The following BCAS3 variants were observed in gnomAD, a reference collection of about 807,000 sequenced individuals.
BCAS3 encodes the protein BCAS4/BCAS3 fusion.
BCAS3 carries 53 observed loss-of-function variants against 116.1 expected under a neutral mutation model. That is an observed-to-expected ratio of 0.46 (90% CI 0.37 to 0.57). BCAS3 has a LOEUF of 0.57. BCAS3 is among the 20% of genes least tolerant of loss of function. The pLI is 0.00. For missense variants in BCAS3, 917 were observed against 1,165.4 expected (o/e 0.79, Z 3.10); for synonymous variants, 391 against 408.2 (o/e 0.96, Z 0.51).
At chr17:61,100,381 A>T (rs955387614) in intron 22 of BCAS3, among the ~76,000 whole-genome samples, 1 of 152,206 alleles carries the variant, frequency 6.6e-6, no homozygotes, top group African/African-American at 2.4e-5. Context: ...AGAGGGACCC[A>T]GTTCCTGAAT....
In BCAS3 at chr17:61,124,826, G is replaced by A. The variant is rs896686167; in HGVS notation, c.2425+40262G>A. On this transcript the variant is annotated intron_variant, in intron 22 of 23. Transcript: ENST00000407086. The surrounding 1 kb of genome is among the most constrained non-coding windows in gnomAD (Gnocchi z 4.6). ...ATTTTCTGTGTTAGAAGATGCTATCGGCTCACCTGGCCTCTTAGTGACAGA... is the reference window on the plus strand; with the variant it reads ...ATTTTCTGTGTTAGAAGATGCTATCAGCTCACCTGGCCTCTTAGTGACAGA... Among the ~76,000 whole-genome samples the A allele has an allele frequency of 4.6e-5, 7 of 152,106 alleles. No individual in the cohort carries two copies. Among genetic ancestry groups the A allele is most frequent in the Admixed American group, 6.5e-5 (1 of 15,270 alleles).
At chr17:61,305,830 A>T (rs1344587820) in intron 22 of BCAS3, among the ~76,000 whole-genome samples, 1 of 152,172 alleles carries the variant, frequency 6.6e-6, no homozygotes, top group Non-Finnish European at 1.5e-5. Context: ...TGGTAGGTGG[A>T]GGATGCAGTG....
chr17:60,703,916 C>CAAAAA (rs539490885), intron 4 of BCAS3, among the ~76,000 whole-genome samples: 1 of 71,472 alleles, frequency 1.4e-5, no homozygotes, highest in African/African-American at 6.4e-5. Flanking sequence ...GACACCGTCT[C>CAAAAA]AAAAAAAAAA....
rs1396960109 is a variant in BCAS3 at position 60,919,085 on chromosome 17, T to C, written c.994-5322T>C. 2.6e-5 allele frequency among the ~76,000 whole-genome samples: 4 copies of C among 152,350 alleles called. No individual in the cohort carries two copies. The East Asian group carries it at 5.8e-4, about 22-fold the overall frequency. On this transcript the variant is annotated intron_variant, in intron 12 of 23. Transcript: ENST00000407086. ...GAGATCTATCTCTTTGGTGAATTTC[T>C]TTTTCATATCCTGAATTGTTTTTCT...
At chr17:60,713,907 C>T (rs1311506418) in intron 5 of BCAS3, among the ~76,000 whole-genome samples, 1 of 152,144 alleles carries the variant, frequency 6.6e-6, no homozygotes, top group Non-Finnish European at 1.5e-5. Flanking sequence ...GATCTCGGCT[C>T]ACTGCAACCT....
At chr17:60,890,528 G>A (rs1381467912) in intron 10 of BCAS3, among the ~76,000 whole-genome samples, 1 of 151,888 alleles carries the variant, frequency 6.6e-6, no homozygotes, top group East Asian at 1.9e-4. Context: ...TAAGGGTTCA[G>A]CCATTTGTTT....
chr17:61,099,227 G>A (rs2074168189), intron 22 of BCAS3, among the ~76,000 whole-genome samples: 1 of 152,156 alleles, frequency 6.6e-6, no homozygotes, highest in Non-Finnish European at 1.5e-5. Context: ...ATAAAGGACT[G>A]TTTGAGAACA....
chr17:60,802,371 C>CATAT lies in BCAS3; in HGVS notation c.404-5618_404-5615dup, dbSNP rs533515914. Among the ~76,000 whole-genome samples, 1,016 of 111,932 alleles carry CATAT rather than the reference C, an allele frequency of 9.1e-3. 8 individuals are homozygous for CATAT. The highest frequency in any genetic ancestry group is 0.037 in the Middle Eastern group (8 of 214). 73.4% of individuals were successfully genotyped at this position (111,932 alleles called of 152,430 possible). ...ATACACACACATACATACATACATA[C>CATAT]ATATATATATATATATATCCCCTTG... is the stretch of plus-strand genomic sequence containing the variant. On this transcript the variant is annotated intron_variant, in intron 6 of 23. Transcript: ENST00000407086.
intron 22 of BCAS3, among the ~76,000 whole-genome samples, chr17:61,109,590 G>A (rs1277717429): frequency 1.3e-5 from 2 of 152,140 alleles, no homozygotes; most frequent in South Asian, 2.1e-4. Context: ...CCTTTTCACT[G>A]CATCCATGCC....
chr17:61,036,595 T>G (rs576125439), intron 17 of BCAS3, among the ~76,000 whole-genome samples: 1 of 152,304 alleles, frequency 6.6e-6, no homozygotes, highest in South Asian at 2.1e-4. Context: ...CTCTGGCTGA[T>G]CATTAGCTAT....
intron 22 of BCAS3, among the ~76,000 whole-genome samples, chr17:61,350,477 G>A (rs2057770158): frequency 6.6e-6 from 1 of 150,994 alleles, no homozygotes; most frequent in African/African-American, 2.4e-5. Context: ...TGTATTTAAG[G>A]TATGCCCAAA....
chr17:61,095,832 T>C lies in BCAS3; in HGVS notation c.2425+11268T>C, dbSNP rs949273766. Among the ~76,000 whole-genome samples the C allele has an allele frequency of 6.7e-5, 10 of 149,778 alleles. No individual in the cohort carries two copies. Among genetic ancestry groups the C allele is most frequent in the Non-Finnish European group, 1.3e-4 (9 of 67,904 alleles). On this transcript the variant is annotated intron_variant, in intron 22 of 23. Coordinates refer to ENST00000407086, the MANE Select transcript of BCAS3 (RefSeq NM_017679.5). This position sits in a 1 kb window ranked among gnomAD's most constrained non-coding sequence, Gnocchi z 4.7. ...TTAAAATGTTTGAAAACCACTGGTATGCATATTCTCGTACACACACACACA... is the reference window on the plus strand; with the variant it reads ...TTAAAATGTTTGAAAACCACTGGTACGCATATTCTCGTACACACACACACA...
Position 61,063,485 on chromosome 17 carries a change from G to GTCTCGATC in BCAS3, c.2030-11431_2030-11424dup, listed in dbSNP as rs1159762722. On this transcript the variant is annotated intron_variant, in intron 19 of 23. Transcript: ENST00000407086. The surrounding 1 kb of genome is among the most constrained non-coding windows in gnomAD (Gnocchi z 5.3). ...GAGTTTCACCATGTTAGCCAGGATG[G>GTCTCGATC]TCTCGATCTCTTGATCTCGTGATCC... Among the ~76,000 whole-genome samples, 1 of 152,026 alleles carries GTCTCGATC rather than the reference G, an allele frequency of 6.6e-6. No individual in the cohort carries two copies. Among genetic ancestry groups the GTCTCGATC allele is most frequent in the Non-Finnish European group, 1.5e-5 (1 of 68,004 alleles).
At position 61,302,957 on chromosome 17, in the gene BCAS3, C is replaced by T. The variant is rs1477523761; in HGVS notation, c.2426-65370C>T. 6.6e-6 allele frequency among the ~76,000 whole-genome samples: 1 copy of T among 152,134 alleles called. No individual in the cohort carries two copies. Among genetic ancestry groups the T allele is most frequent in the Non-Finnish European group, 1.5e-5 (1 of 68,032 alleles). On this transcript the variant is annotated intron_variant, in intron 22 of 23. Coordinates refer to ENST00000407086, the MANE Select transcript of BCAS3 (RefSeq NM_017679.5). This position sits in a 1 kb window ranked among gnomAD's most constrained non-coding sequence, Gnocchi z 4.4. ...TCCAGTGCCATCTGACCATCCATGG[C>T]TCTAGGATATTCAAAGCAAAAGATA...
rs934951580 is a variant in BCAS3, at chr17:61,037,418, T to C, written c.1763-471T>C. Among the ~76,000 whole-genome samples the C allele has an allele frequency of 3.3e-5, 5 of 152,220 alleles. No individual in the cohort carries two copies. The highest frequency in any genetic ancestry group is 7.3e-5 in the Non-Finnish European group (5 of 68,032). ...TACTCTGATATCATAGACATTTTCA[T>C]ATTCACTAGCATGTGCTTATACGAG... On this transcript the variant is annotated intron_variant, in intron 17 of 23. Coordinates refer to ENST00000407086, the MANE Select transcript of BCAS3 (RefSeq NM_017679.5). This position sits in a 1 kb window ranked among gnomAD's most constrained non-coding sequence, Gnocchi z 4.7.
chr17:61,150,132 T>A (rs1177530979), intron 22 of BCAS3, among the ~76,000 whole-genome samples: 1 of 152,186 alleles, frequency 6.6e-6, no homozygotes, highest in Non-Finnish European at 1.5e-5. Flanking sequence ...AATTCTTTGT[T>A]TGCTTAGCCA....
intron 22 of BCAS3, among the ~76,000 whole-genome samples, chr17:61,253,710 G>A (rs1415534894): frequency 6.6e-6 from 1 of 151,612 alleles, no homozygotes; most frequent in African/African-American, 2.4e-5. Context: ...TCAGATTCCA[G>A]CTGTGGAACA....
At chr17:61,236,469 G>A (rs543295363) in intron 22 of BCAS3, among the ~76,000 whole-genome samples, 28 of 152,180 alleles carry the variant, frequency 1.8e-4, no homozygotes, top group African/African-American at 3.4e-4. Flanking sequence ...ATAGGCACCC[G>A]CCACCATGCC....
chr17:60,692,397 A>G (rs1465954936), intron 4 of BCAS3, among the ~76,000 whole-genome samples: 1 of 151,986 alleles, frequency 6.6e-6, no homozygotes, highest in Non-Finnish European at 1.5e-5. Flanking sequence ...ACCCGCCACC[A>G]TGCCCGACTA....
Sources: allele counts gnomAD v4.1 joint callset (sites outside exome capture counted in the v4.1 genomes callset), GRCh38; gene constraint gnomAD v4.1.1; non-coding constraint Gnocchi (gnomAD v3.1); transcripts MANE v1.5; gene names NCBI Gene and HGNC (gene_info 2026-07-23, HGNC 2026-07-21).